Variants in PSD2 observed in about 807,000 individuals in gnomAD.
PSD2 encodes the protein PH and SEC7 domain-containing protein 2.
Under a neutral mutation model 69.8 loss-of-function variants are expected in PSD2, and 38 were observed. The ratio of observed to expected loss-of-function variants is 0.54; its 90% confidence interval spans 0.42 to 0.71. The LOEUF is 0.71. Ranked by LOEUF, PSD2 falls within the 30% of genes least tolerant of loss-of-function variation. PSD2 has a pLI of 0.00. For missense variants in PSD2, 943 were observed against 1,014.5 expected, an observed-to-expected ratio of 0.93 and a Z score of 0.96; for synonymous variants, 412 against 423.0, an observed-to-expected ratio of 0.97 and a Z score of 0.32.
At chr5:139,793,162 C>T (rs145048180), upstream of PSD2, among the ~76,000 whole-genome samples, 41 of 152,154 alleles carry the variant, frequency 2.7e-4, 2 homozygotes, top group East Asian at 7.5e-3. Flanking sequence ...AGGCTGGTCT[C>T]GAGCTCTTGA....
At chr5:139,747,371 C>A in the PSD2 span, among the ~76,000 whole-genome samples, 1 of 152,186 alleles carries the variant, frequency 6.6e-6, no homozygotes, top group South Asian at 2.1e-4. The surrounding 1 kb of genome is among the most constrained non-coding windows in gnomAD (Gnocchi z 6.7). Context: ...GCCTCCCCCC[C>A]AGCTGTTAAC....
Position 139,822,784 on chromosome 5 carries a change from C to T in PSD2, c.1269C>T (p.His423=), listed in dbSNP as rs145276080. 4.2e-3 allele frequency: 6,700 copies of T among 1,606,542 alleles called. 17 individuals carry two copies. Among genetic ancestry groups the T allele is most frequent in the Middle Eastern group, 7.5e-3 (45 of 6,028 alleles). ...TGCTCAACACGGACCTGCACGGCCA[C>T]GTGAGTTGGGGAGGTGACGGGGGGT... ...LMLLNTDLHG[H]NIGKKMSCQQ... is the part of the protein sequence containing the mutation. The change falls in exon 7 of 15, where the codon CAC becomes CAT. Residue 423 remains histidine (H), a splice_region_variant and synonymous_variant. Coordinates refer to ENST00000274710, the MANE Select transcript of PSD2 (RefSeq NM_032289.4).
rs1385063669 is a variant in PSD2 at position 139,838,764 on chromosome 5, C to T, written c.1960C>T (p.Leu654Phe). Reference sequence around the variant, plus strand: ...CCTGCTGCCCTCCTGCACCACCCGCCTCTGCCAGGTACATGTTCCTGGGTC... The same window carrying T: ...CCTGCTGCCCTCCTGCACCACCCGCTTCTGCCAGGTACATGTTCCTGGGTC... ...RPLLPSCTTR[L>F]CQEEQLRSHE... The change falls in exon 13 of 15, where the codon CTC becomes TTC. Residue 654 changes from leucine (L) to phenylalanine (F), a missense_variant. This residue lies in a region of PSD2 where 165 missense variants were observed against 168.8 expected (regional missense o/e 0.98). Coordinates refer to ENST00000274710, the MANE Select transcript of PSD2 (RefSeq NM_032289.4). The T allele has an allele frequency of 4.3e-6, 7 of 1,612,286 alleles. No homozygotes were observed. In the Admixed American group the frequency reaches 6.7e-5, roughly 15 times the overall value.
the PSD2 span, among the ~76,000 whole-genome samples, chr5:139,789,941 G>A: frequency 6.6e-6 from 1 of 152,060 alleles, no homozygotes; most frequent in Non-Finnish European, 1.5e-5. Flanking sequence ...GTGAGGGGTG[G>A]GCGGTGCGGA....
At chr5:139,749,566 G>A in the PSD2 span, among the ~76,000 whole-genome samples, 11 of 152,306 alleles carry the variant, frequency 7.2e-5, no homozygotes, top group East Asian at 3.8e-4. Context: ...AAACTGAGGC[G>A]TACCAAGAGT....
chr5:139,819,667 C>T (rs991580746), intron 5 of PSD2, among the ~76,000 whole-genome samples: 1 of 152,184 alleles, frequency 6.6e-6, no homozygotes, highest in African/African-American at 2.4e-5. Flanking sequence ...AATCTTGGCC[C>T]TTTTTGTCTT....
chr5:139,766,828 C>T, the PSD2 span, among the ~76,000 whole-genome samples: 106 of 87,802 alleles, frequency 1.2e-3, 2 homozygotes, highest in African/African-American at 3.5e-3. Context: ...AAGTCCCTTC[C>T]TTCTTTCTTT....
At chr5:139,766,901 T>TTCCC in the PSD2 span, among the ~76,000 whole-genome samples, 77 of 143,772 alleles carry the variant, frequency 5.4e-4, 1 homozygote, top group African/African-American at 1.9e-3. Context: ...CTTTCCCTCT[T>TTCCC]TCCCTCCCTT....
the PSD2 span, among the ~76,000 whole-genome samples, chr5:139,766,828 C>CTTCTTTCTTTCTTTCTTTCTTTCT: frequency 1.1e-5 from 1 of 87,736 alleles, no homozygotes; most frequent in Non-Finnish European, 2.6e-5. Context: ...AAGTCCCTTC[C>CTTCTTTCTTTCTTTCTTTCTTTCT]TTCTTTCTTT....
chr5:139,837,906 C>T lies in PSD2; in HGVS notation c.1823+124C>T. The T allele has an allele frequency of 1.1e-6, 1 of 910,124 alleles. No homozygotes were observed. The highest frequency in any genetic ancestry group is 1.8e-5 in the South Asian group (1 of 56,734). The allele number at this position is 910,124 out of a possible 1,614,324, so 56.4% of individuals were successfully genotyped here. A position where few individuals can be genotyped will look rare whatever the true frequency, so the allele number is the denominator to read the frequency against. Reference sequence around the variant, plus strand: ...TGTGTATCCACATGACACAGACCGACAGCTGGGTCCCTCCAAAGCAGTGGT... The same window carrying T: ...TGTGTATCCACATGACACAGACCGATAGCTGGGTCCCTCCAAAGCAGTGGT... On this transcript the variant is annotated intron_variant, in intron 12 of 14. Transcript: ENST00000274710. The surrounding 1 kb of genome is among the most constrained non-coding windows in gnomAD (Gnocchi z 5.0).
chr5:139,791,870 C>A (rs900634032), upstream of PSD2, among the ~76,000 whole-genome samples: 6 of 152,166 alleles, frequency 3.9e-5, no homozygotes, highest in African/African-American at 1.4e-4. Flanking sequence ...ACTGGAGTTC[C>A]TTTGAGAGAC....
the PSD2 span, among the ~76,000 whole-genome samples, chr5:139,756,330 A>C: frequency 6.6e-6 from 1 of 152,346 alleles, no homozygotes; most frequent in East Asian, 1.9e-4. Context: ...GCCGGATCAA[A>C]GCCGGGGCCG....
At chr5:139,829,056 C>G (rs1473701026) in intron 7 of PSD2, among the ~76,000 whole-genome samples, 2 of 152,188 alleles carry the variant, frequency 1.3e-5, no homozygotes, top group Non-Finnish European at 2.9e-5. Flanking sequence ...TCAGAGGCCC[C>G]AAATCGTGGA....
chr5:139,768,835 C>A, the PSD2 span, among the ~76,000 whole-genome samples: 1 of 152,136 alleles, frequency 6.6e-6, no homozygotes, highest in Admixed American at 6.5e-5. Flanking sequence ...GTGCATCATG[C>A]CTCTCAGTCC....
At chr5:139,781,666 C>T in the PSD2 span, among the ~76,000 whole-genome samples, 2 of 149,736 alleles carry the variant, frequency 1.3e-5, no homozygotes, top group Non-Finnish European at 3.0e-5. Flanking sequence ...TGGACTCTCA[C>T]TCTGTTGCCC....
In PSD2 at chr5:139,837,356, C is replaced by T; in HGVS notation, c.1665+118C>T. Reference sequence around the variant, plus strand: ...CTGGGGCTCAGGCACATGCTGGGTCCTTCCCCAGACTTGGGCCCTCTCAGG... The same window carrying T: ...CTGGGGCTCAGGCACATGCTGGGTCTTTCCCCAGACTTGGGCCCTCTCAGG... On this transcript the variant is annotated intron_variant, in intron 11 of 14. Transcript: ENST00000274710. This position sits in a 1 kb window ranked among gnomAD's most constrained non-coding sequence, Gnocchi z 5.0. 9.7e-7 allele frequency: 1 copy of T among 1,031,510 alleles called. No individual in the cohort carries two copies. The highest frequency in any genetic ancestry group is 1.5e-5 in the South Asian group (1 of 65,890). The allele number at this position is 1,031,510 out of a possible 1,614,324, so 63.9% of individuals were successfully genotyped here. A position where few individuals can be genotyped will look rare whatever the true frequency, so the allele number is the denominator to read the frequency against.
At chr5:139,755,458 T>C in the PSD2 span, among the ~76,000 whole-genome samples, 1 of 152,060 alleles carries the variant, frequency 6.6e-6, no homozygotes, top group Non-Finnish European at 1.5e-5. Flanking sequence ...TATTGTTGCA[T>C]GTTTGTGTTT....
At chr5:139,799,685 CA>C (rs1561590578) in intron 1 of PSD2, among the ~76,000 whole-genome samples, 1 of 152,096 alleles carries the variant, frequency 6.6e-6, no homozygotes, top group South Asian at 2.1e-4. Context: ...CAGCACAAGA[CA>C]GGGGGGACAG....
upstream of PSD2, among the ~76,000 whole-genome samples, chr5:139,795,030 G>C (rs754230049): frequency 6.6e-6 from 1 of 152,126 alleles, no homozygotes; most frequent in African/African-American, 2.4e-5. The surrounding 1 kb of genome is among the most constrained non-coding windows in gnomAD (Gnocchi z 4.5). Context: ...GGCACCCTCT[G>C]TCTCTCTCTG....
Sources: gnomAD v4.1 joint callset for allele counts (sites outside exome capture counted in the v4.1 genomes callset) on GRCh38, gnomAD v4.1.1 for gene constraint, gnomAD v4.1.1 regional missense constraint, Gnocchi (gnomAD v3.1) non-coding constraint, MANE v1.5 for transcripts, NCBI Gene and HGNC (gene_info 2026-07-23, HGNC 2026-07-21) for gene names.